The following ARID4B variants were observed in gnomAD, a reference collection of about 807,000 sequenced individuals.
ARID4B encodes the protein AT-rich interactive domain-containing protein 4B.
Under a neutral mutation model 147.5 loss-of-function variants are expected in ARID4B, and 26 were observed. The ratio of observed to expected loss-of-function variants is 0.18; its 90% CI spans 0.13 to 0.24. ARID4B has a LOEUF of 0.24. ARID4B is among the 10% of genes least tolerant of loss of function. The pLI is 1.00. For synonymous variants in ARID4B, 512 were observed against 507.9 expected (o/e 1.01, Z -0.11); for missense variants, 1,179 against 1,511.5 (o/e 0.78, Z 3.65).
At chr1:235,183,524 A>C (rs1664466162) in intron 19 of ARID4B, among the ~76,000 whole-genome samples, 1 of 151,824 alleles carries the variant, frequency 6.6e-6, no homozygotes, top group African/African-American at 2.4e-5. Flanking sequence ...TTATACTCTT[A>C]TGAAACTATA....
intron 3 of ARID4B, among the ~76,000 whole-genome samples, chr1:235,259,922 A>G (rs547633698): frequency 5.9e-5 from 9 of 152,200 alleles, no homozygotes; most frequent in Non-Finnish European, 1.2e-4. Context: ...GATCAGGTCA[A>G]TCTCATCCTA....
chr1:235,199,503 T>C (rs369270859), intron 17 of ARID4B, among the ~76,000 whole-genome samples: 2 of 152,158 alleles, frequency 1.3e-5, no homozygotes, highest in Non-Finnish European at 2.9e-5. Context: ...GTTAAGAAAT[T>C]CCAACAATGA....
intron 22 of ARID4B, 92 bp from the exon 23 acceptor site, chr1:235,172,856 G>A (rs1165138514): frequency 5.5e-6 from 6 of 1,095,594 alleles, no homozygotes; most frequent in Non-Finnish European, 3.7e-6. Flanking sequence ...GCTGAATAAG[G>A]TTGAGGCAGA....
intron 21 of ARID4B, chr1:235,177,495 C>CT (rs1663970423): frequency 5.5e-6 from 1 of 182,058 alleles, no homozygotes; most frequent in South Asian, 1.7e-4. Context: ...TATTATTATA[C>CT]TTTAAGTTCT....
At chr1:235,299,415 A>G (rs1672973820) in intron 2 of ARID4B, among the ~76,000 whole-genome samples, 1 of 151,140 alleles carries the variant, frequency 6.6e-6, no homozygotes, top group African/African-American at 2.4e-5. Flanking sequence ...GGTTTCTTGA[A>G]CTCCTGACCT....
intron 4 of ARID4B, among the ~76,000 whole-genome samples, chr1:235,256,889 C>CT (rs1189916989): frequency 1.3e-5 from 2 of 151,898 alleles, no homozygotes; most frequent in African/African-American, 2.4e-5. Context: ...AATATTAAAT[C>CT]TTTTTTTTAA....
In ARID4B at chr1:235,191,255, TTA is replaced by T. The variant is rs1491573997; in HGVS notation, c.2125+2756_2125+2757del. ...GAATGTGTCACATATTCTTTTTATT[TTA>T]TTTTTTTTAAGATGGAGTTTCGCTG... On this transcript the variant is annotated intron_variant, in intron 19 of 23. Coordinates refer to ENST00000264183, the MANE Select transcript of ARID4B (RefSeq NM_016374.6). Among the ~76,000 whole-genome samples the T allele has an allele frequency of 1.6e-3, 224 of 140,398 alleles. 2 individuals carry two copies. The highest frequency in any genetic ancestry group is 2.4e-3 in the African/African-American group (76 of 31,100). The allele number at this position is 140,398 out of a possible 152,430, so 92.1% of individuals were successfully genotyped here.
At chr1:235,211,309 C>T (rs1666706962) in intron 17 of ARID4B, among the ~76,000 whole-genome samples, 1 of 151,764 alleles carries the variant, frequency 6.6e-6, no homozygotes, top group Admixed American at 6.6e-5. Flanking sequence ...CCAGGCTGGG[C>T]ATTAAGAGTG....
chr1:235,269,972 G>A (rs1670869738), intron 2 of ARID4B, among the ~76,000 whole-genome samples: 1 of 151,724 alleles, frequency 6.6e-6, no homozygotes, highest in Admixed American at 6.6e-5. Flanking sequence ...TGGATTGTAA[G>A]AGTTACTGCA....
intron 8 of ARID4B, 147 bp from the exon 9 acceptor site, chr1:235,234,639 G>A: frequency 3.8e-6 from 2 of 524,992 alleles, no homozygotes; most frequent in South Asian, 2.7e-5. Context: ...CACACACGTG[G>A]GAGCACACAC....
At chr1:235,201,300 A>C (rs1252056554) in intron 17 of ARID4B, among the ~76,000 whole-genome samples, 1 of 152,172 alleles carries the variant, frequency 6.6e-6, no homozygotes, top group Non-Finnish European at 1.5e-5. Flanking sequence ...TCATCCCCGA[A>C]AGTACATTCT....
intron 2 of ARID4B, among the ~76,000 whole-genome samples, chr1:235,315,784 G>A (rs889041275): frequency 6.6e-6 from 1 of 152,172 alleles, no homozygotes; most frequent in Non-Finnish European, 1.5e-5. Context: ...GTTATTCACA[G>A]TTAGATACTA....
rs1663045552 is a variant in ARID4B, at chr1:235,167,442, T to C, written c.*1083A>G. On this transcript the variant is annotated 3_prime_UTR_variant, in exon 24 of 24. Transcript: ENST00000264183. ...TTGGAATCATACAACATAAAGTCAA[T>C]ACAAGTGAAAACAATTTTGCATTCA... 1 of 222,134 alleles carries C rather than the reference T, an allele frequency of 4.5e-6. No homozygotes were observed. The highest frequency in any genetic ancestry group is 1.8e-4 in the South Asian group (1 of 5,424). The allele number at this position is 222,134 out of a possible 1,614,324, so 13.8% of individuals were successfully genotyped here.
chr1:235,206,159 T>G (rs887259297), intron 17 of ARID4B, among the ~76,000 whole-genome samples: 1 of 152,208 alleles, frequency 6.6e-6, no homozygotes, highest in Admixed American at 6.5e-5. Flanking sequence ...ACTTATCATA[T>G]GCCAAATGAA....
At chr1:235,192,174 A>C (rs927535748) in intron 19 of ARID4B, among the ~76,000 whole-genome samples, 1 of 152,226 alleles carries the variant, frequency 6.6e-6, no homozygotes, top group African/African-American at 2.4e-5. Context: ...AAAGTAAAGC[A>C]AGGATTACAC....
At chr1:235,267,452 A>G (rs1206727629) in intron 2 of ARID4B, among the ~76,000 whole-genome samples, 3 of 152,258 alleles carry the variant, frequency 2.0e-5, no homozygotes, top group African/African-American at 7.2e-5. Context: ...GCATTTATAT[A>G]CCAAACAGTG....
chr1:235,193,724 G>C (rs1017978205), intron 19 of ARID4B, among the ~76,000 whole-genome samples: 9 of 152,094 alleles, frequency 5.9e-5, no homozygotes, highest in Non-Finnish European at 8.8e-5. Context: ...TACACTTTTT[G>C]AGTGCTGACG....
At chr1:235,236,853 TATATA>T (rs1668626932) in intron 8 of ARID4B, among the ~76,000 whole-genome samples, 1 of 43,328 alleles carries the variant, frequency 2.3e-5, no homozygotes, top group African/African-American at 7.3e-5. Context: ...TATATATATA[TATATA>T]TATATTTTTT....
At chr1:235,214,221 C>T (rs1210860745) in intron 16 of ARID4B, among the ~76,000 whole-genome samples, 195 bp from the exon 17 acceptor site, 1 of 152,052 alleles carries the variant, frequency 6.6e-6, no homozygotes, top group East Asian at 1.9e-4. Context: ...CAGAAAGACA[C>T]ATTTAGAGAA....
Sources: gnomAD v4.1 joint callset for allele counts (sites outside exome capture counted in the v4.1 genomes callset) on GRCh38, gnomAD v4.1.1 for gene constraint, MANE v1.5 for transcripts, NCBI Gene and HGNC (gene_info 2026-07-23, HGNC 2026-07-21) for gene names.